The following SAMD4A variants were observed in gnomAD, a reference collection of about 807,000 sequenced individuals.
SAMD4A encodes the protein sterile alpha motif domain containing 4A.
In SAMD4A, 33 loss-of-function variants were observed where a neutral mutation model predicts 81.3. The ratio of observed to expected loss-of-function variants is 0.41; its 90% CI spans 0.31 to 0.54. The LOEUF (loss-of-function observed/expected upper bound fraction) is 0.54. Ranked by LOEUF, SAMD4A falls within the 20% of genes least tolerant of loss-of-function variation. SAMD4A has a pLI of 0.37. For missense variants in SAMD4A, 854 were observed against 951.1 expected, an observed-to-expected ratio of 0.90 and a Z score of 1.34; for synonymous variants, 389 against 382.1, an observed-to-expected ratio of 1.02 and a Z score of -0.21.
intron 2 of SAMD4A, among the ~76,000 whole-genome samples, chr14:54,683,281 G>T (rs771849556): frequency 5.3e-5 from 8 of 152,222 alleles, no homozygotes; most frequent in Non-Finnish European, 1.2e-4. Context: ...CTGAGGCACA[G>T]GACCATGCCA....
chr14:54,595,543 A>G (rs1213280020), intron 2 of SAMD4A, among the ~76,000 whole-genome samples: 1 of 151,852 alleles, frequency 6.6e-6, no homozygotes, highest in Non-Finnish European at 1.5e-5. Context: ...CCTAACTACA[A>G]TACAAGGAAC....
intron 2 of SAMD4A, among the ~76,000 whole-genome samples, chr14:54,594,077 A>G (rs1185960185): frequency 6.6e-6 from 1 of 152,150 alleles, no homozygotes; most frequent in East Asian, 1.9e-4. Context: ...GTAAAACATG[A>G]TTGCTATTAA....
chr14:54,647,929 T>C (rs1001632841), intron 2 of SAMD4A, among the ~76,000 whole-genome samples: 2 of 152,200 alleles, frequency 1.3e-5, no homozygotes, highest in African/African-American at 4.8e-5. Context: ...GTTGAGTTGA[T>C]AAATGTATGG....
At chr14:54,680,409 TTGAG>T (rs1353067112) in intron 2 of SAMD4A, among the ~76,000 whole-genome samples, 4 of 152,214 alleles carry the variant, frequency 2.6e-5, no homozygotes, top group South Asian at 2.1e-4. Flanking sequence ...GAAAGACAGA[TTGAG>T]TATGTTTCTG....
chr14:54,648,933 G>A (rs879855599), intron 2 of SAMD4A, among the ~76,000 whole-genome samples: 7 of 152,180 alleles, frequency 4.6e-5, no homozygotes, highest in Admixed American at 3.9e-4. Flanking sequence ...AGCAGTGGCA[G>A]CTGTGGAGAC....
chr14:54,672,267 C>G (rs1055313927), intron 2 of SAMD4A, among the ~76,000 whole-genome samples: 11 of 151,808 alleles, frequency 7.2e-5, no homozygotes, highest in Admixed American at 5.2e-4. Context: ...TTTTTCGAGC[C>G]TTGGGATGCC....
chr14:54,575,695 A>G (rs1262732814), intron 2 of SAMD4A, among the ~76,000 whole-genome samples: 2 of 152,238 alleles, frequency 1.3e-5, no homozygotes, highest in Non-Finnish European at 1.5e-5. Context: ...TGTGTTTCAT[A>G]TGATGGAATT....
chr14:54,759,953 C>T (rs1003309118), intron 6 of SAMD4A, among the ~76,000 whole-genome samples: 5 of 152,124 alleles, frequency 3.3e-5, no homozygotes, highest in Admixed American at 6.5e-5. Context: ...GTATTTTCCT[C>T]GCTATACCTG....
rs1260684682 is a variant in SAMD4A, at chr14:54,702,351, C to T, written c.486C>T (p.Asn162=). The change falls in exon 3 of 13, where the codon AAC becomes AAT. Residue 162 remains asparagine, a synonymous_variant. Coordinates refer to ENST00000554335, the MANE Select transcript of SAMD4A (RefSeq NM_015589.6). The part of the protein sequence containing the change: ...DRTSTSFGGQ[N]RGRSDSVDYG... ...CGTCGACCAGCTTTGGTGGCCAGAA[C>T]CGAGGCCGCTCAGACTCTGTGGATT... The T allele has an allele frequency of 6.2e-7, 1 of 1,614,158 alleles. No homozygotes were observed. The highest frequency in any genetic ancestry group is 2.2e-5 in the East Asian group (1 of 44,878).
chr14:54,702,050 T>A lies in SAMD4A; in HGVS notation c.197-12T>A. 6.2e-7 allele frequency: 1 copy of A among 1,612,856 alleles called. No homozygotes were observed. The highest frequency in any genetic ancestry group is 1.3e-5 in the African/African-American group (1 of 74,992). ...GTATTTGCTTATTTGCCGTGTATAT[T>A]TCCCTTTTCAGGAATCATTAACCAA... On this transcript the variant is annotated splice_polypyrimidine_tract_variant and intron_variant, in intron 2 of 12. Coordinates refer to ENST00000554335, the MANE Select transcript of SAMD4A (RefSeq NM_015589.6).
In SAMD4A at chr14:54,789,152, C is replaced by G; in HGVS notation, c.*208C>G. The G allele has an allele frequency of 2.0e-6, 1 of 504,582 alleles. No homozygotes were observed. Among genetic ancestry groups the G allele is most frequent in the Non-Finnish European group, 3.6e-6 (1 of 274,518 alleles). The allele number at this position is 504,582 out of a possible 1,614,324, so 31.3% of individuals were successfully genotyped here. A position where few individuals can be genotyped will look rare whatever the true frequency, so the allele number is the denominator to read the frequency against. ...GGGTTGGTTATTTTGTCATTTGTTTCTGTCATGGGATGGTTTGGTGTGTGG... is the reference window on the plus strand; with the variant it reads ...GGGTTGGTTATTTTGTCATTTGTTTGTGTCATGGGATGGTTTGGTGTGTGG... On this transcript the variant is annotated 3_prime_UTR_variant, in exon 13 of 13. Transcript: ENST00000554335.
Position 54,788,845 on chromosome 14 carries a change from G to A in SAMD4A, c.2129-71G>A, listed in dbSNP as rs78136539. On this transcript the variant is annotated intron_variant, in intron 12 of 12. Transcript: ENST00000554335. ...GGCTGGGAGGCCCACCGTGCATGGCGTTGGCATAGGTGGGCACGAACTGGA... is the reference window on the plus strand; with the variant it reads ...GGCTGGGAGGCCCACCGTGCATGGCATTGGCATAGGTGGGCACGAACTGGA... The A allele has an allele frequency of 4.5e-5, 72 of 1,597,394 alleles. 1 individual carries two copies. The highest frequency in any genetic ancestry group is 2.1e-4 in the African/African-American group (16 of 74,670).
chr14:54,622,116 G>C (rs1176792754), intron 2 of SAMD4A, among the ~76,000 whole-genome samples: 1 of 152,092 alleles, frequency 6.6e-6, no homozygotes, highest in Non-Finnish European at 1.5e-5. Context: ...AATATTTTGT[G>C]GTAGGGACAC....
intron 11 of SAMD4A, among the ~76,000 whole-genome samples, chr14:54,778,734 T>C (rs963789276): frequency 6.6e-6 from 1 of 152,184 alleles, no homozygotes; most frequent in Admixed American, 6.5e-5. Flanking sequence ...CTAAATTTCC[T>C]GATTGCAAAT....
intron 8 of SAMD4A, among the ~76,000 whole-genome samples, chr14:54,766,704 G>A (rs987418596): frequency 7.2e-5 from 11 of 152,234 alleles, no homozygotes; most frequent in Admixed American, 2.6e-4. Flanking sequence ...AAAGCACACC[G>A]GAACTCTGCT....
chr14:54,642,412 C>A (rs1215236791), intron 2 of SAMD4A, among the ~76,000 whole-genome samples: 1 of 152,168 alleles, frequency 6.6e-6, no homozygotes, highest in South Asian at 2.1e-4. Context: ...GCTGGTGTTA[C>A]AAACCCGACA....
At chr14:54,742,497 A>G (rs1044124030) in intron 4 of SAMD4A, among the ~76,000 whole-genome samples, 7 of 152,202 alleles carry the variant, frequency 4.6e-5, no homozygotes, top group African/African-American at 1.4e-4. Flanking sequence ...CAGTTTCAGC[A>G]TAATATTACA....
rs539887312 is a variant in SAMD4A at position 54,640,587 on chromosome 14, T to C, written c.197-61475T>C. 2.0e-5 allele frequency among the ~76,000 whole-genome samples: 3 copies of C among 152,284 alleles called. No homozygotes were observed. In the East Asian group the frequency reaches 5.8e-4, roughly 29 times the overall value. On this transcript the variant is annotated intron_variant, in intron 2 of 12. Transcript: ENST00000554335. ...CAGACTTTCTGGTTTTCATTAGCAG[T>C]CTGGTGGTAACAGCTAGCTTTAGCT... is the stretch of plus-strand genomic sequence containing the variant.
intron 11 of SAMD4A, among the ~76,000 whole-genome samples, chr14:54,780,939 G>C (rs182839740): frequency 4.0e-5 from 6 of 151,870 alleles, no homozygotes; most frequent in Non-Finnish European, 8.8e-5. Context: ...TGCCTGTGCC[G>C]TTTCTTTCCC....
Sources: gnomAD v4.1 joint callset for allele counts (sites outside exome capture counted in the v4.1 genomes callset) on GRCh38, gnomAD v4.1.1 for gene constraint, MANE v1.5 for transcripts, NCBI Gene and HGNC (gene_info 2026-07-23, HGNC 2026-07-21) for gene names.